Variants in AJAP1 observed in about 807,000 individuals in gnomAD.
The protein encoded by AJAP1 is adherens junction-associated protein 1.
In AJAP1, 5 loss-of-function variants were observed where a neutral mutation model predicts 35.0. The ratio of observed to expected loss-of-function variants is 0.14; its 90% confidence interval spans 0.07 to 0.30. AJAP1 has a LOEUF of 0.30. Ranked by LOEUF, AJAP1 falls within the 10% of genes least tolerant of loss-of-function variation. The pLI is 1.00. For synonymous variants in AJAP1, 284 were observed against 249.3 expected, an observed-to-expected ratio of 1.14 and a Z score of -1.31; for missense variants, 586 against 571.0, an observed-to-expected ratio of 1.03 and a Z score of -0.27.
chr1:4,704,930 T>G (rs1640067746), intron 1 of AJAP1, among the ~76,000 whole-genome samples: 1 of 152,266 alleles, frequency 6.6e-6, no homozygotes, highest in Non-Finnish European at 1.5e-5. Flanking sequence ...TTTGTTCATG[T>G]GTTTTTTGGC....
chr1:4,776,940 C>T (rs149329254), intron 5 of AJAP1, among the ~76,000 whole-genome samples: 4 of 152,244 alleles, frequency 2.6e-5, no homozygotes, highest in African/African-American at 7.2e-5. Flanking sequence ...TCTGCCGACA[C>T]GAAGCCACGG....
intron 1 of AJAP1, among the ~76,000 whole-genome samples, chr1:4,701,538 C>A (rs1639989798): frequency 6.6e-6 from 1 of 152,194 alleles, no homozygotes; most frequent in Non-Finnish European, 1.5e-5. Flanking sequence ...GTGCCCGTGC[C>A]ATCAGGTTTC....
At chr1:4,735,483 A>C (rs1238276333) in intron 2 of AJAP1, among the ~76,000 whole-genome samples, 1 of 152,156 alleles carries the variant, frequency 6.6e-6, no homozygotes, top group Non-Finnish European at 1.5e-5. Flanking sequence ...CAGGCTCAGC[A>C]CCCACTGCAC....
Position 4,747,771 on chromosome 1 carries a change from T to C in AJAP1, c.830-22082T>C, listed in dbSNP as rs149540128. ...GGGAGGCTGGGGCAGGCAGATCACC[T>C]GAGGTCAGGAGTTTAAGACCAGCCT... On this transcript the variant is annotated intron_variant, in intron 2 of 5. Transcript: ENST00000378191. 3.7e-3 allele frequency among the ~76,000 whole-genome samples: 568 copies of C among 152,216 alleles called. 4 individuals are homozygous for C. The highest frequency in any genetic ancestry group is 0.013 in the African/African-American group (541 of 41,528).
intron 2 of AJAP1, among the ~76,000 whole-genome samples, chr1:4,751,493 C>G (rs576396218): frequency 6.6e-6 from 1 of 152,210 alleles, no homozygotes; most frequent in South Asian, 2.1e-4. Flanking sequence ...TCTTCACTCA[C>G]TCGTTCAATC....
In AJAP1 at chr1:4,655,779, C is replaced by T. The variant is rs1638866116; in HGVS notation, c.29+325C>T. 6.7e-6 allele frequency among the ~76,000 whole-genome samples: 1 copy of T among 148,878 alleles called. No individual in the cohort carries two copies. The highest frequency in any genetic ancestry group is 2.4e-5 in the African/African-American group (1 of 41,018). On this transcript the variant is annotated intron_variant, in intron 1 of 5. Transcript: ENST00000378191. This position sits in a 1 kb window ranked among gnomAD's most constrained non-coding sequence, Gnocchi z 6.9. ...AGCGCAGTGTCCTGGCCGGCTGCCC[C>T]GGCGCGCCTCCTCCCCGGGGCCCGG...
chr1:4,743,623 A>G (rs1357013880), intron 2 of AJAP1, among the ~76,000 whole-genome samples: 2 of 152,154 alleles, frequency 1.3e-5, no homozygotes, highest in Non-Finnish European at 2.9e-5. Flanking sequence ...GGAGCTTGCA[A>G]TCAATTGGCC....
chr1:4,766,445 G>A (rs9426502), intron 2 of AJAP1, among the ~76,000 whole-genome samples: 34,459 of 152,152 alleles, frequency 0.23, 4,296 homozygotes, highest in Middle Eastern at 0.33. Flanking sequence ...TTTATTCTAA[G>A]TGAGCAGCCT....
At chr1:4,699,896 T>A (rs957008899) in intron 1 of AJAP1, among the ~76,000 whole-genome samples, 1 of 152,370 alleles carries the variant, frequency 6.6e-6, no homozygotes, top group East Asian at 1.9e-4. Flanking sequence ...CTTAGCTCAC[T>A]GCCTGGTATG....
intron 1 of AJAP1, among the ~76,000 whole-genome samples, chr1:4,695,351 G>A (rs1429925618): frequency 6.6e-6 from 1 of 152,200 alleles, no homozygotes. Flanking sequence ...CAAAGGTTTT[G>A]CGGGGCCCAT....
intron 1 of AJAP1, among the ~76,000 whole-genome samples, chr1:4,673,999 A>G (rs887946265): frequency 2.0e-4 from 26 of 129,862 alleles, no homozygotes; most frequent in African/African-American, 2.9e-4. Flanking sequence ...TAGTATAACT[A>G]TGTTCCAGGT....
chr1:4,664,499 A>AGCT (rs1639073353), intron 1 of AJAP1, among the ~76,000 whole-genome samples: 1 of 152,166 alleles, frequency 6.6e-6, no homozygotes, highest in Admixed American at 6.5e-5. Flanking sequence ...GTTGGGCCCA[A>AGCT]GGGTCAGCCC....
At chr1:4,769,962 T>TG in intron 3 of AJAP1, 22 bp downstream of exon 3, 1 of 1,593,662 alleles carries the variant, frequency 6.3e-7, no homozygotes, top group Non-Finnish European at 8.6e-7. Flanking sequence ...TGGGCCCTTC[T>TG]GGCCCAGAAA....
chr1:4,691,265 C>G (rs890382745), intron 1 of AJAP1, among the ~76,000 whole-genome samples: 6 of 152,202 alleles, frequency 3.9e-5, no homozygotes, highest in Non-Finnish European at 4.4e-5. Context: ...TCCTCCCTCC[C>G]TCCTGGCCTT....
At chr1:4,699,293 T>G (rs1639934090) in intron 1 of AJAP1, among the ~76,000 whole-genome samples, 1 of 152,204 alleles carries the variant, frequency 6.6e-6, no homozygotes, top group African/African-American at 2.4e-5. Flanking sequence ...TCTCTTCAAA[T>G]TCTAGAAACC....
chr1:4,704,761 A>C (rs1256967081), intron 1 of AJAP1, among the ~76,000 whole-genome samples: 1 of 152,228 alleles, frequency 6.6e-6, no homozygotes, highest in Non-Finnish European at 1.5e-5. Flanking sequence ...AAACTAGTTT[A>C]CAGTCCCACC....
chr1:4,711,872 G>T (rs369460454), intron 1 of AJAP1, 28 bp from the exon 2 acceptor site: 1 of 1,435,500 alleles, frequency 7.0e-7, no homozygotes, highest in Middle Eastern at 1.9e-4. Context: ...TCCACTGACC[G>T]CTCTTCTCTC....
In AJAP1 at chr1:4,752,091, A is replaced by T. The variant is rs184132727; in HGVS notation, c.830-17762A>T. Reference sequence around the variant, plus strand: ...GTGGGCGGAGGAAGTGCCATCTCAGACACATGAGAAAGGGAAGCAGTAAGG... The same window carrying T: ...GTGGGCGGAGGAAGTGCCATCTCAGTCACATGAGAAAGGGAAGCAGTAAGG... On this transcript the variant is annotated intron_variant, in intron 2 of 5. Transcript: ENST00000378191. 1.4e-3 allele frequency among the ~76,000 whole-genome samples: 207 copies of T among 152,096 alleles called. 1 individual carries two copies. Among genetic ancestry groups the T allele is most frequent in the Non-Finnish European group, 1.6e-4 (11 of 67,998 alleles).
rs1003184400 is a variant in AJAP1 at position 4,693,689 on chromosome 1, A to G, written c.30-18211A>G. ...TAAAAAGCAGAGATTTATTTCTCACAGTTCTGGAGGCTGGGGCACCCAAGG... is the reference window on the plus strand; with the variant it reads ...TAAAAAGCAGAGATTTATTTCTCACGGTTCTGGAGGCTGGGGCACCCAAGG... On this transcript the variant is annotated intron_variant, in intron 1 of 5. Coordinates refer to ENST00000378191, the MANE Select transcript of AJAP1 (RefSeq NM_018836.4). The surrounding 1 kb of genome is among the most constrained non-coding windows in gnomAD (Gnocchi z 4.4). Among the ~76,000 whole-genome samples the G allele has an allele frequency of 6.6e-6, 1 of 152,192 alleles. No homozygotes were observed. Among genetic ancestry groups the G allele is most frequent in the African/African-American group, 2.4e-5 (1 of 41,450 alleles).
Sources: allele counts gnomAD v4.1 joint callset (sites outside exome capture counted in the v4.1 genomes callset), GRCh38; gene constraint gnomAD v4.1.1; non-coding constraint Gnocchi (gnomAD v3.1); transcripts MANE v1.5; gene names NCBI Gene and HGNC (gene_info 2026-07-23, HGNC 2026-07-21).